Variants in TECPR2 observed in about 807,000 individuals in gnomAD.
The protein encoded by TECPR2 is tectonin beta-propeller repeat-containing protein 2.
TECPR2 carries 65 observed loss-of-function variants against 138.1 expected under a neutral mutation model. The observed-to-expected ratio is 0.47, with a 90% CI of 0.39 to 0.58. The LOEUF (loss-of-function observed/expected upper bound fraction) is 0.58, where lower values mean the gene tolerates loss of function less well. Among genes scored for constraint, TECPR2 ranks in the 20% least tolerant of loss-of-function variants. TECPR2 has a pLI of 0.00. For synonymous variants in TECPR2, 746 were observed against 749.8 expected (o/e 0.99, Z 0.08); for missense variants, 1,553 against 1,824.5 (o/e 0.85, Z 2.71).
At chr14:102,405,782 G>A (rs1342831827) in intron 2 of TECPR2, among the ~76,000 whole-genome samples, 1 of 152,294 alleles carries the variant, frequency 6.6e-6, no homozygotes, top group Non-Finnish European at 1.5e-5. Flanking sequence ...ATCCATGTGC[G>A]TCTATCAACG....
At chr14:102,488,453 C>G (rs1458050208) in intron 17 of TECPR2, among the ~76,000 whole-genome samples, 1 of 151,972 alleles carries the variant, frequency 6.6e-6, no homozygotes, top group East Asian at 1.9e-4. Context: ...AATTCTTCTG[C>G]CTCAGCCTCC....
At chr14:102,396,822 T>A (rs1013060474) in intron 2 of TECPR2, among the ~76,000 whole-genome samples, 3 of 152,220 alleles carry the variant, frequency 2.0e-5, no homozygotes, top group Non-Finnish European at 4.4e-5. Context: ...GCAAAAAGCA[T>A]CTTGTCCTCT....
At chr14:102,368,670 G>C (rs1887412700) in intron 1 of TECPR2, among the ~76,000 whole-genome samples, 1 of 150,452 alleles carries the variant, frequency 6.6e-6, no homozygotes, top group African/African-American at 2.4e-5. Context: ...CTTTCTTGAT[G>C]GTGCCCTTTG....
chr14:102,434,546 C>A lies in TECPR2; in HGVS notation c.1729C>A (p.His577Asn). The change falls in exon 9 of 20, where the codon CAT (histidine) becomes AAT (asparagine). Residue 577 changes from histidine to asparagine, a missense_variant. Coordinates refer to ENST00000359520, the MANE Select transcript of TECPR2 (RefSeq NM_014844.5). ...RTEMPHCHHA[H>N]GRELLNGARE... ...TGAAATGCCACACTGTCACCATGCA[C>A]ATGGGCGGGAGCTGCTCAATGGAGC... The A allele has an allele frequency of 6.4e-7, 1 of 1,553,278 alleles. No individual in the cohort carries two copies. Among genetic ancestry groups the A allele is most frequent in the Non-Finnish European group, 8.7e-7 (1 of 1,148,156 alleles).
intron 1 of TECPR2, among the ~76,000 whole-genome samples, chr14:102,364,791 G>A (rs1402634581): frequency 6.6e-6 from 1 of 152,084 alleles, no homozygotes; most frequent in Non-Finnish European, 1.5e-5. Flanking sequence ...CTGGAACTTA[G>A]TGGGAAGAAA....
At chr14:102,475,080 A>T (rs1452086033) in intron 17 of TECPR2, among the ~76,000 whole-genome samples, 2 of 152,142 alleles carry the variant, frequency 1.3e-5, no homozygotes, top group African/African-American at 4.8e-5. Context: ...GACACACGCA[A>T]ACCACTGGCG....
At chr14:102,371,321 C>T (rs896320420) in intron 1 of TECPR2, among the ~76,000 whole-genome samples, 17 of 152,212 alleles carry the variant, frequency 1.1e-4, no homozygotes, top group African/African-American at 3.9e-4. Flanking sequence ...CCAAACCTAG[C>T]GCAGGACAGT....
chr14:102,453,533 A>C (rs1346182181), intron 16 of TECPR2, among the ~76,000 whole-genome samples: 1 of 152,078 alleles, frequency 6.6e-6, no homozygotes, highest in East Asian at 1.9e-4. Context: ...ATTTGTAAAT[A>C]ATTCATTCAT....
At chr14:102,483,394 G>A (rs56144019) in intron 17 of TECPR2, among the ~76,000 whole-genome samples, 46,482 of 149,064 alleles carry the variant, frequency 0.31, 7,743 homozygotes, top group East Asian at 0.5. Flanking sequence ...ATGTTTTTGT[G>A]TGTTGTTGTT....
chr14:102,414,300 T>G (rs925539442), intron 4 of TECPR2, among the ~76,000 whole-genome samples: 1 of 152,236 alleles, frequency 6.6e-6, no homozygotes, highest in Non-Finnish European at 1.5e-5. Context: ...CTTTGAACTC[T>G]CTGCATGTTT....
chr14:102,477,365 G>A (rs148672241), intron 17 of TECPR2, among the ~76,000 whole-genome samples: 8 of 147,664 alleles, frequency 5.4e-5, no homozygotes, highest in Non-Finnish European at 1.0e-4. Context: ...GCGAGACTCC[G>A]TCTCAAAAAA....
chr14:102,448,189 A>T (rs1402336688), intron 13 of TECPR2, among the ~76,000 whole-genome samples: 1 of 150,570 alleles, frequency 6.6e-6, no homozygotes, highest in Non-Finnish European at 1.5e-5. Flanking sequence ...GGAACTCCTG[A>T]CCTCAAGTAA....
intron 2 of TECPR2, among the ~76,000 whole-genome samples, chr14:102,395,145 C>T (rs1888282251): frequency 6.6e-6 from 1 of 152,122 alleles, no homozygotes. Context: ...CTTTCAAGTA[C>T]CAGATGAAAG....
chr14:102,472,411 GA>G (rs961837592), intron 17 of TECPR2, among the ~76,000 whole-genome samples: 5 of 152,186 alleles, frequency 3.3e-5, no homozygotes, highest in African/African-American at 1.2e-4. Context: ...GCTTTGCCAG[GA>G]AAATGGCCAA....
intron 17 of TECPR2, among the ~76,000 whole-genome samples, chr14:102,488,075 C>T (rs1178314213): frequency 6.8e-6 from 1 of 147,274 alleles, no homozygotes; most frequent in Admixed American, 6.8e-5. Flanking sequence ...AACTCCGGAC[C>T]TCAGGTGATA....
At chr14:102,427,607 T>C (rs565752197) in intron 6 of TECPR2, among the ~76,000 whole-genome samples, 1 of 152,322 alleles carries the variant, frequency 6.6e-6, no homozygotes, top group South Asian at 2.1e-4. Context: ...TGTGTTTTGT[T>C]GCCACCCACT....
intron 1 of TECPR2, among the ~76,000 whole-genome samples, chr14:102,365,371 C>T (rs539370123): frequency 5.9e-5 from 9 of 152,180 alleles, no homozygotes; most frequent in East Asian, 1.9e-4. Flanking sequence ...TTCCTGGTGG[C>T]GGAGGACTAG....
intron 9 of TECPR2, 69 bp downstream of exon 9, chr14:102,435,280 G>A: frequency 6.7e-7 from 1 of 1,496,750 alleles, no homozygotes; most frequent in East Asian, 2.3e-5. Context: ...TGTCAAGACT[G>A]ATTATTTTCC....
At position 102,447,061 on chromosome 14, in the gene TECPR2, GA is replaced by G. The variant is rs1890001193; in HGVS notation, c.3075+1117del. Among the ~76,000 whole-genome samples, 9 of 152,290 alleles carry G rather than the reference GA, an allele frequency of 5.9e-5. No individual in the cohort carries two copies. In the South Asian group the frequency reaches 1.9e-3, roughly 32 times the overall value. ...ATTTTCCCACGTGCTTCCAGAAAAG[GA>G]AACACTATAAGAAACAGGATGAGGG... is the stretch of plus-strand genomic sequence containing the variant. On this transcript the variant is annotated intron_variant, in intron 13 of 19. Transcript: ENST00000359520.
Sources: allele counts gnomAD v4.1 joint callset (sites outside exome capture counted in the v4.1 genomes callset), GRCh38; gene constraint gnomAD v4.1.1; transcripts MANE v1.5; gene names NCBI Gene and HGNC (gene_info 2026-07-23, HGNC 2026-07-21).